Variants in EYS observed in about 807,000 individuals in gnomAD.
EYS encodes protein eyes shut homolog.
In EYS, 250 loss-of-function variants were observed where a neutral mutation model predicts 282.1. That is an observed-to-expected ratio of 0.89 (90% CI 0.80 to 0.98). The LOEUF is 0.98. EYS is among the 50% of genes least tolerant of loss of function. The pLI, the probability that EYS is intolerant of heterozygous loss-of-function variation, is 0.00. For missense variants in EYS, 4,016 were observed against 3,709.0 expected (o/e 1.08, Z -2.15); for synonymous variants, 1,355 against 1,282.9 (o/e 1.06, Z -1.20).
intron 2 of EYS, among the ~76,000 whole-genome samples, chr6:65,609,711 G>T (rs1156390725): frequency 6.6e-6 from 1 of 152,012 alleles, no homozygotes; most frequent in East Asian, 1.9e-4. Context: ...ATGACAAAAA[G>T]TTCTTTAAAC....
chr6:64,309,960 T>C (rs1397539770), intron 29 of EYS, among the ~76,000 whole-genome samples: 7 of 64,246 alleles, frequency 1.1e-4, no homozygotes, highest in African/African-American at 4.1e-4. Flanking sequence ...CAAGACTCCA[T>C]GAAAAAAAAA....
At chr6:65,585,967 A>C (rs542871816) in intron 2 of EYS, among the ~76,000 whole-genome samples, 1 of 152,162 alleles carries the variant, frequency 6.6e-6, no homozygotes, top group Admixed American at 6.6e-5. Flanking sequence ...CAAAAAGAGC[A>C]ATTACTTGTG....
At chr6:64,908,136 C>T (rs1247227246) in intron 16 of EYS, among the ~76,000 whole-genome samples, 6 of 152,264 alleles carry the variant, frequency 3.9e-5, no homozygotes, top group African/African-American at 9.6e-5. Flanking sequence ...TTTCTCAGCC[C>T]GTTTGGCAGA....
intron 33 of EYS, among the ~76,000 whole-genome samples, chr6:64,015,963 C>T (rs951877782): frequency 6.6e-6 from 1 of 152,220 alleles, no homozygotes; most frequent in African/African-American, 2.4e-5. Flanking sequence ...ATTCTGAGTG[C>T]TGAGCTTTGT....
chr6:65,344,310 T>G, intron 9 of EYS, 133 bp from the exon 10 acceptor site: 1 of 727,054 alleles, frequency 1.4e-6, no homozygotes. Flanking sequence ...AGTTCCTGTA[T>G]GCATATGATA....
At chr6:63,750,565 G>C (rs1176493314) in intron 41 of EYS, among the ~76,000 whole-genome samples, 3 of 152,134 alleles carry the variant, frequency 2.0e-5, no homozygotes, top group Non-Finnish European at 2.9e-5. Flanking sequence ...CTCTGAGTCA[G>C]GTGGTACAGA....
chr6:64,864,845 G>A (rs1766371899), intron 19 of EYS, among the ~76,000 whole-genome samples: 1 of 151,666 alleles, frequency 6.6e-6, no homozygotes, highest in African/African-American at 2.4e-5. Context: ...AGACCAGCCT[G>A]GCCAACATGG....
At chr6:65,198,979 C>T (rs1320723274) in intron 12 of EYS, among the ~76,000 whole-genome samples, 2 of 151,990 alleles carry the variant, frequency 1.3e-5, no homozygotes, top group Non-Finnish European at 2.9e-5. Context: ...TGTAGAATGG[C>T]CTAGCGTAGC....
At chr6:65,117,902 G>A (rs891469239) in intron 12 of EYS, among the ~76,000 whole-genome samples, 2 of 152,162 alleles carry the variant, frequency 1.3e-5, no homozygotes, top group African/African-American at 4.8e-5. Flanking sequence ...GGAGGCTGTG[G>A]AATGTGGTGA....
intron 31 of EYS, among the ~76,000 whole-genome samples, chr6:64,180,586 C>T (rs772883695): frequency 5.3e-5 from 8 of 152,048 alleles, no homozygotes; most frequent in Admixed American, 1.3e-4. Flanking sequence ...CCATTCTCTT[C>T]CCTTTGGTAG....
intron 11 of EYS, among the ~76,000 whole-genome samples, chr6:65,298,418 C>T (rs1385480756): frequency 2.6e-5 from 4 of 151,954 alleles, no homozygotes; most frequent in African/African-American, 9.7e-5. Context: ...TAGGAATCTG[C>T]ATTTGGCCAT....
chr6:64,417,922 T>C (rs931014747), intron 28 of EYS, among the ~76,000 whole-genome samples: 1 of 152,198 alleles, frequency 6.6e-6, no homozygotes, highest in Non-Finnish European at 1.5e-5. Context: ...TCCACCTGCA[T>C]TGGCCTCCCA....
At chr6:64,373,675 C>T (rs1772464506) in intron 29 of EYS, among the ~76,000 whole-genome samples, 2 of 152,160 alleles carry the variant, frequency 1.3e-5, no homozygotes, top group Admixed American at 6.5e-5. Context: ...GAAGCTCTAG[C>T]AGGTATGGCT....
intron 4 of EYS, among the ~76,000 whole-genome samples, chr6:65,493,232 C>T (rs751296415): frequency 3.3e-5 from 5 of 152,138 alleles, no homozygotes; most frequent in African/African-American, 4.8e-5. Flanking sequence ...TACATGTTAT[C>T]ACACAGCCTC....
intron 13 of EYS, among the ~76,000 whole-genome samples, chr6:65,039,875 TAGAC>T (rs1179601791): frequency 3.3e-5 from 5 of 151,490 alleles, no homozygotes; most frequent in African/African-American, 9.7e-5. Flanking sequence ...AATGGATAAA[TAGAC>T]AAACAAGAAA....
intron 19 of EYS, among the ~76,000 whole-genome samples, chr6:64,855,358 C>G (rs929245069): frequency 8.6e-5 from 13 of 152,032 alleles, no homozygotes; most frequent in African/African-American, 3.1e-4. Flanking sequence ...TATGTCTTTT[C>G]ATAGCTCTTC....
intron 12 of EYS, among the ~76,000 whole-genome samples, chr6:65,151,260 C>T (rs1021545785): frequency 6.6e-6 from 1 of 152,010 alleles, no homozygotes; most frequent in Non-Finnish European, 1.5e-5. Flanking sequence ...GTATCGAAAA[C>T]TCTGAGGCAG....
chr6:64,394,581 T>C (rs527323208), intron 28 of EYS, among the ~76,000 whole-genome samples: 2 of 152,110 alleles, frequency 1.3e-5, no homozygotes, highest in Middle Eastern at 3.4e-3. Context: ...TAGCCATATG[T>C]AGAAAGCTGA....
chr6:64,390,045 C>A (rs560218539), intron 28 of EYS, among the ~76,000 whole-genome samples: 11 of 151,196 alleles, frequency 7.3e-5, no homozygotes, highest in Non-Finnish European at 1.2e-4. Flanking sequence ...CACTCCCACC[C>A]GAATACTGCG....
Sources: allele counts gnomAD v4.1 joint callset (sites outside exome capture counted in the v4.1 genomes callset), GRCh38; gene constraint gnomAD v4.1.1; transcripts MANE v1.5; gene names NCBI Gene and HGNC (gene_info 2026-07-23, HGNC 2026-07-21).